Variants in OCEL1 observed in about 807,000 individuals in gnomAD.
OCEL1 encodes the protein occludin/ELL domain-containing protein 1.
In OCEL1, 24 loss-of-function variants were observed where a neutral mutation model predicts 29.4. The observed-to-expected ratio is 0.82, with a 90% CI of 0.59 to 1.15. The LOEUF (loss-of-function observed/expected upper bound fraction) is 1.15, where lower values mean the gene tolerates loss of function less well. Among genes scored for constraint, OCEL1 ranks in the 50% most tolerant of loss-of-function variants. The pLI, the probability that OCEL1 is intolerant of heterozygous loss-of-function variation, is 0.00. For missense variants in OCEL1, 402 were observed against 352.5 expected (o/e 1.14, Z -1.13); for synonymous variants, 172 against 145.3 (o/e 1.18, Z -1.32).
At chr19:17,228,380 G>C (rs1040647023) in intron 5 of OCEL1, 71 bp downstream of exon 5, 9 of 1,460,092 alleles carry the variant, frequency 6.2e-6, no homozygotes, top group Non-Finnish European at 8.4e-6. Context: ...CCTGTGCCCA[G>C]TTTCTTTTTT....
chr19:17,227,734 C>A, intron 3 of OCEL1, 106 bp from the exon 4 acceptor site: 1 of 1,070,176 alleles, frequency 9.3e-7, no homozygotes, highest in Non-Finnish European at 1.3e-6. Flanking sequence ...AGAAAAGGAA[C>A]GTTTCTAGTA....
At position 17,227,129 on chromosome 19, in the gene OCEL1, G is replaced by A. The variant is rs369565133; in HGVS notation, c.382G>A (p.Ala128Thr). Residue 128 changes from alanine (A) to threonine (T), a missense_variant, in exon 3 of 6, where the codon GCC becomes ACC. By Grantham distance (58) the Ala-to-Thr change is moderately conservative. Coordinates refer to ENST00000215061, the MANE Select transcript of OCEL1 (RefSeq NM_024578.3). ...GTTGCTCTCCCAGGCCCTCCTGGGC[G>A]CCAAGAAGCCTATTGGAGCCATCCC... ...DELLSQALLG[A>T]KKPIGAIPKG... 4.1e-5 allele frequency: 65 copies of A among 1,599,210 alleles called. No homozygotes were observed. The African/African-American group carries it at 7.1e-4, about 17-fold the overall frequency.
chr19:17,226,606 G>C lies in OCEL1; in HGVS notation c.70-87G>C, dbSNP rs2073362065. 4.5e-6 allele frequency: 6 copies of C among 1,339,038 alleles called. No homozygotes were observed. The East Asian group carries it at 7.9e-5, about 18-fold the overall frequency. The allele number at this position is 1,339,038 out of a possible 1,614,324, so 82.9% of individuals were successfully genotyped here. A position where few individuals can be genotyped will look rare whatever the true frequency, so the allele number is the denominator to read the frequency against. Reference sequence around the variant, plus strand: ...GGGGAACTCTGCTCCCGCGGGGTGAGAGTTGGCCGCTCTTCGGCCGAGCTG... The same window carrying C: ...GGGGAACTCTGCTCCCGCGGGGTGACAGTTGGCCGCTCTTCGGCCGAGCTG... On this transcript the variant is annotated intron_variant, in intron 1 of 5. Coordinates refer to ENST00000215061, the MANE Select transcript of OCEL1 (RefSeq NM_024578.3).
At position 17,227,202 on chromosome 19, in the gene OCEL1, G is replaced by T. The variant is rs374450626; in HGVS notation, c.452+3G>T. 1,171 of 1,484,416 alleles carry T rather than the reference G, an allele frequency of 7.9e-4. 2 individuals carry two copies. The highest frequency in any genetic ancestry group is 9.7e-4 in the Non-Finnish European group (1,090 of 1,120,686). The allele number at this position is 1,484,416 out of a possible 1,614,324, so 92.0% of individuals were successfully genotyped here. A position where few individuals can be genotyped will look rare whatever the true frequency, so the allele number is the denominator to read the frequency against. ...CACCCAGTGCCCGACTATGAGCTGT[G>T]AGTGTCCCCCATGTGATTCTTCATG... On this transcript the variant is annotated splice_donor_region_variant and intron_variant, in intron 3 of 5. Transcript: ENST00000215061.
In OCEL1 at chr19:17,228,280, G is replaced by C. The variant is rs773658345; in HGVS notation, c.643G>C (p.Val215Leu). Residue 215 changes from valine (V) to leucine (L), a missense_variant, in exon 5 of 6, where the codon GTT becomes CTT. Coordinates refer to ENST00000215061, the MANE Select transcript of OCEL1 (RefSeq NM_024578.3). ...GAAGGAGGCCCAAGTTGCAGCCCGG[G>C]TTTGGAGGGAGTTTGAGATGAAGCG... Reference protein sequence around the residue: ...SQKEAQVAARVWREFEMKRMD... With the variant: ...SQKEAQVAARLWREFEMKRMD... 18 of 1,613,978 alleles carry C rather than the reference G, an allele frequency of 1.1e-5. No individual in the cohort carries two copies. Among genetic ancestry groups the C allele is most frequent in the Middle Eastern group, 1.6e-4 (1 of 6,080 alleles).
chr19:17,228,872 C>G lies in OCEL1; in HGVS notation c.742C>G (p.Gln248Glu), dbSNP rs1168784551. The G allele has an allele frequency of 6.2e-7, 1 of 1,613,924 alleles. No individual in the cohort carries two copies. Among genetic ancestry groups the G allele is most frequent in the Admixed American group, 1.7e-5 (1 of 60,026 alleles). ...GGGTAAACTGAGGCATCTCAAGACT[C>G]AGATCCAGAAATTCGATGACCAAGG... is the stretch of plus-strand genomic sequence containing the variant. ...LKGKLRHLKTQIQKFDDQGDS... is the reference protein window; with the variant it reads ...LKGKLRHLKTEIQKFDDQGDS... The change falls in exon 6 of 6, where the codon CAG (glutamine) becomes GAG (glutamate). Residue 248 changes from glutamine (Q) to glutamate (E), a missense_variant. Physicochemically the swap from Gln to Glu is conservative, Grantham distance 29 (BLOSUM62 2). Coordinates refer to ENST00000215061, the MANE Select transcript of OCEL1 (RefSeq NM_024578.3).
chr19:17,227,792 A>G (rs757479385), intron 3 of OCEL1, 48 bp from the exon 4 acceptor site: 47 of 1,585,230 alleles, frequency 3.0e-5, no homozygotes, highest in Non-Finnish European at 1.1e-5. Context: ...ACTGGGGGAA[A>G]GAGTGGGGTT....
rs199721272 is a variant in OCEL1, at chr19:17,226,854, T to A, written c.231T>A (p.Pro77=). 342 of 1,536,024 alleles carry A rather than the reference T, an allele frequency of 2.2e-4. 2 individuals are homozygous for A. The African/African-American group carries it at 4.5e-3, about 20-fold the overall frequency. The change falls in exon 2 of 6, where the codon CCT becomes CCA. Residue 77 remains proline (P), a synonymous_variant. Transcript: ENST00000215061. ...GSRGHLHTHP[P]GPGPPLQGLA... is the part of the protein sequence containing the mutation. ...GGGGGCACCTGCATACTCACCCGCC[T>A]GGGCCTGGGCCCCCGGTGAGCCTGA...
intron 5 of OCEL1, chr19:17,228,584 G>T: frequency 1.6e-6 from 1 of 609,328 alleles, no homozygotes; most frequent in South Asian, 2.1e-5. Context: ...ATGTTGGCCA[G>T]GCTGGTCTCG....
chr19:17,227,002 A>C lies in OCEL1; in HGVS notation c.255A>C (p.Gly85=). ...HPPGPGPPLQ[G]LAPRGLKTSA... ...CACGATTCCTGTGGCAGCTGCAGGG[A>C]CTGGCGCCCCGAGGCCTCAAAACCA... The change falls in exon 3 of 6, where the codon GGA becomes GGC. Residue 85 remains glycine (G), a synonymous_variant. Coordinates refer to ENST00000215061, the MANE Select transcript of OCEL1 (RefSeq NM_024578.3). The C allele has an allele frequency of 6.3e-7, 1 of 1,583,498 alleles. No individual in the cohort carries two copies. The highest frequency in any genetic ancestry group is 8.5e-7 in the Non-Finnish European group (1 of 1,170,216).
At chr19:17,228,636 A>G (rs2073385257) in intron 5 of OCEL1, 167 bp from the exon 6 acceptor site, 5 of 866,618 alleles carry the variant, frequency 5.8e-6, no homozygotes, top group Non-Finnish European at 8.5e-6. Flanking sequence ...GGCCTCCCAG[A>G]CTGCTGGGAT....
intron 1 of OCEL1, 56 bp from the exon 2 acceptor site, chr19:17,226,637 G>T: frequency 7.1e-7 from 1 of 1,413,550 alleles, no homozygotes; most frequent in South Asian, 1.5e-5. Flanking sequence ...AGCTGCCCGC[G>T]CGTCCTTTCT....
intron 3 of OCEL1, 106 bp from the exon 4 acceptor site, chr19:17,227,734 C>T (rs1279680915): frequency 3.7e-6 from 4 of 1,070,062 alleles, no homozygotes; most frequent in Non-Finnish European, 4.0e-6. Flanking sequence ...AGAAAAGGAA[C>T]GTTTCTAGTA....
At chr19:17,227,722 A>C (rs939176948) in intron 3 of OCEL1, 118 bp from the exon 4 acceptor site, 12 of 879,080 alleles carry the variant, frequency 1.4e-5, no homozygotes, top group Non-Finnish European at 2.0e-5. Context: ...TAAAAGAGGG[A>C]GAGAAAAGGA....
At position 17,228,292 on chromosome 19, in the gene OCEL1, T is replaced by A; in HGVS notation, c.655T>A (p.Phe219Ile). 3 of 1,613,880 alleles carry A rather than the reference T, an allele frequency of 1.9e-6. No homozygotes were observed. Among genetic ancestry groups the A allele is most frequent in the Non-Finnish European group, 2.5e-6 (3 of 1,179,954 alleles). ...AGTTGCAGCCCGGGTTTGGAGGGAGTTTGAGATGAAGCGAATGGTGAGTCT... is the reference window on the plus strand; with the variant it reads ...AGTTGCAGCCCGGGTTTGGAGGGAGATTGAGATGAAGCGAATGGTGAGTCT... ...AQVAARVWRE[F>I]EMKRMDPGFL... Residue 219 changes from phenylalanine to isoleucine, a missense_variant, in exon 5 of 6, where the codon TTT (phenylalanine) becomes ATT (isoleucine). Physicochemically the swap from Phe to Ile is conservative, Grantham distance 21. Transcript: ENST00000215061.
Position 17,228,962 on chromosome 19 carries a change from G to A in OCEL1, c.*37G>A. 1 of 1,596,130 alleles carries A rather than the reference G, an allele frequency of 6.3e-7. No homozygotes were observed. Among genetic ancestry groups the A allele is most frequent in the Non-Finnish European group, 8.5e-7 (1 of 1,170,538 alleles). On this transcript the variant is annotated 3_prime_UTR_variant, in exon 6 of 6. Coordinates refer to ENST00000215061, the MANE Select transcript of OCEL1 (RefSeq NM_024578.3). ...GATGGGCAGAGGGATGCATGGGGAT[G>A]CAGGTCCCTTGCATTTCTTGGTATC...
At position 17,227,211 on chromosome 19, in the gene OCEL1, C is replaced by T; in HGVS notation, c.452+12C>T. On this transcript the variant is annotated intron_variant, in intron 3 of 5. Transcript: ENST00000215061. ...CCCGACTATGAGCTGTGAGTGTCCC[C>T]CATGTGATTCTTCATGCCTGGGATC... The T allele has an allele frequency of 6.8e-7, 1 of 1,470,870 alleles. No individual in the cohort carries two copies. The highest frequency in any genetic ancestry group is 2.6e-5 in the East Asian group (1 of 38,888). The allele number at this position is 1,470,870 out of a possible 1,614,324, so 91.1% of individuals were successfully genotyped here. A position where few individuals can be genotyped will look rare whatever the true frequency, so the allele number is the denominator to read the frequency against.
At chr19:17,227,489 G>A (rs1459436234) in intron 3 of OCEL1, among the ~76,000 whole-genome samples, 1 of 152,216 alleles carries the variant, frequency 6.6e-6, no homozygotes, top group African/African-American at 2.4e-5. Flanking sequence ...TCAGGAGTTC[G>A]AGACCAGCCC....
In OCEL1 at chr19:17,228,003, C is replaced by G. The variant is rs972689034; in HGVS notation, c.616C>G (p.Gln206Glu). Residue 206 changes from glutamine to glutamate, a missense_variant and splice_region_variant, in exon 4 of 6, where the codon CAG (glutamine) becomes GAG (glutamate). Coordinates refer to ENST00000215061, the MANE Select transcript of OCEL1 (RefSeq NM_024578.3). ...LLSSLPPPQS[Q>E]KEAQVAARVW... ...GAGCTCCCTGCCCCCACCCCAAAGC[C>G]AGGTCAGCACTAGGGAGAAAGCCCT... 1 of 1,611,846 alleles carries G rather than the reference C, an allele frequency of 6.2e-7. No homozygotes were observed. The highest frequency in any genetic ancestry group is 2.2e-4 in the Middle Eastern group (1 of 4,574).
Sources: allele counts gnomAD v4.1 joint callset (sites outside exome capture counted in the v4.1 genomes callset), GRCh38; gene constraint gnomAD v4.1.1; transcripts MANE v1.5; gene names NCBI Gene and HGNC (gene_info 2026-07-23, HGNC 2026-07-21).